RBFOX3: variants seen among roughly 807,000 people sequenced by gnomAD.
RBFOX3 encodes RNA binding fox-1 homolog 3.
Under a neutral mutation model 48.7 loss-of-function variants are expected in RBFOX3, and 17 were observed. That is an observed-to-expected ratio of 0.35 (90% confidence interval 0.24 to 0.52). The LOEUF is 0.52. Ranked by LOEUF, RBFOX3 falls within the 20% of genes least tolerant of loss-of-function variation. RBFOX3 has a pLI of 0.94. For missense variants in RBFOX3, 382 were observed against 497.5 expected (o/e 0.77, Z 2.21); for synonymous variants, 212 against 209.5 (o/e 1.01, Z -0.10).
intron 4 of RBFOX3, among the ~76,000 whole-genome samples, chr17:79,224,119 G>A (rs1159210247): frequency 6.6e-6 from 1 of 152,110 alleles, no homozygotes; most frequent in African/African-American, 2.4e-5. Flanking sequence ...TGGTCACTGA[G>A]GCATTAACTG....
At chr17:79,374,678 T>C (rs1397463641) in intron 2 of RBFOX3, among the ~76,000 whole-genome samples, 2 of 152,232 alleles carry the variant, frequency 1.3e-5, no homozygotes, top group African/African-American at 4.8e-5. Flanking sequence ...GGCTTTCTCC[T>C]TGTTTTCACA....
chr17:79,221,277 G>A (rs555080940), intron 4 of RBFOX3, among the ~76,000 whole-genome samples: 6 of 152,352 alleles, frequency 3.9e-5, no homozygotes, highest in African/African-American at 9.6e-5. Flanking sequence ...GAGCCCACCC[G>A]GGCGGTTGCC....
intron 2 of RBFOX3, among the ~76,000 whole-genome samples, chr17:79,427,306 G>A (rs1021657654): frequency 6.6e-6 from 1 of 152,216 alleles, no homozygotes; most frequent in African/African-American, 2.4e-5. Flanking sequence ...GAATGGAGGG[G>A]CTGAGGCTCT....
intron 4 of RBFOX3, among the ~76,000 whole-genome samples, chr17:79,118,626 T>C (rs995266356): frequency 6.6e-6 from 1 of 152,000 alleles, no homozygotes; most frequent in Non-Finnish European, 1.5e-5. Flanking sequence ...CTTCACCGCC[T>C]TGCACTGTCT....
At chr17:79,434,109 C>T (rs916845868) in intron 2 of RBFOX3, among the ~76,000 whole-genome samples, 4 of 152,242 alleles carry the variant, frequency 2.6e-5, no homozygotes, top group African/African-American at 9.6e-5. Flanking sequence ...AGCACAAAAA[C>T]GTGAAGAACA....
At chr17:79,436,658 G>A (rs570633168) in intron 2 of RBFOX3, among the ~76,000 whole-genome samples, 251 of 152,288 alleles carry the variant, frequency 1.6e-3, no homozygotes, top group Middle Eastern at 0.01. Flanking sequence ...GGGAGCTCCT[G>A]CCTAAGCCCT....
intron 2 of RBFOX3, among the ~76,000 whole-genome samples, chr17:79,420,903 C>A (rs1481795115): frequency 1.3e-5 from 2 of 152,194 alleles, no homozygotes; most frequent in Admixed American, 6.5e-5. Context: ...GATCAGCTGA[C>A]CTCTAGAAAG....
chr17:79,149,517 G>A (rs916701107), intron 4 of RBFOX3, among the ~76,000 whole-genome samples: 2 of 152,294 alleles, frequency 1.3e-5, no homozygotes, highest in Admixed American at 6.5e-5. Context: ...GTGGGCTGTG[G>A]GGAGGAGCTT....
intron 1 of RBFOX3, among the ~76,000 whole-genome samples, chr17:79,594,961 G>T (rs1008455687): frequency 2.0e-5 from 3 of 152,128 alleles, no homozygotes; most frequent in Non-Finnish European, 4.4e-5. Context: ...GGGCCAGAAG[G>T]TTTGCATTTA....
In RBFOX3 at chr17:79,392,005, C is replaced by T. The variant is rs1300231546; in HGVS notation, c.-174-84181G>A. 6.6e-6 allele frequency among the ~76,000 whole-genome samples: 1 copy of T among 152,192 alleles called. No homozygotes were observed. Among genetic ancestry groups the T allele is most frequent in the Non-Finnish European group, 1.5e-5 (1 of 68,052 alleles). On this transcript the variant is annotated intron_variant, in intron 2 of 14. Coordinates refer to ENST00000693108, the MANE Select transcript of RBFOX3 (RefSeq NM_001350451.2). The surrounding 1 kb of genome is among the most constrained non-coding windows in gnomAD (Gnocchi z 5.0). ...TGGCAACGCTCCCGCCAGGGCCCCGCGATGGTCAGGCTTTCTGCCGTCTTG... is the reference window on the plus strand; with the variant it reads ...TGGCAACGCTCCCGCCAGGGCCCCGTGATGGTCAGGCTTTCTGCCGTCTTG...
intron 1 of RBFOX3, among the ~76,000 whole-genome samples, chr17:79,484,658 G>T (rs2079294163): frequency 6.6e-6 from 1 of 152,100 alleles, no homozygotes; most frequent in Admixed American, 6.5e-5. Flanking sequence ...GGTAGGAAGG[G>T]GCTCCAGGAA....
At chr17:79,273,334 T>C (rs963886318) in intron 3 of RBFOX3, among the ~76,000 whole-genome samples, 2 of 152,214 alleles carry the variant, frequency 1.3e-5, no homozygotes, top group African/African-American at 4.8e-5. Flanking sequence ...AAAGTCTGTA[T>C]TCAGAGCAAT....
rs370532842 is a variant in RBFOX3, at chr17:79,154,522, G to A, written c.-33-38774C>T. On this transcript the variant is annotated intron_variant, in intron 4 of 14. Transcript: ENST00000693108. ...AGGGTGGATGGAGGGAGGAAGTCGG[G>A]CGCCTGTGCTGAAGGGCTCAGAACC... Among the ~76,000 whole-genome samples, 11 of 152,362 alleles carry A rather than the reference G, an allele frequency of 7.2e-5. No homozygotes were observed. The South Asian group carries it at 2.3e-3, about 32-fold the overall frequency.
At chr17:79,664,109 A>G in the RBFOX3 span, among the ~76,000 whole-genome samples, 1 of 152,044 alleles carries the variant, frequency 6.6e-6, no homozygotes, top group Non-Finnish European at 1.5e-5. Context: ...TGGGAAAGAC[A>G]CAGAACAGTT....
At chr17:79,293,631 T>C (rs936116734) in intron 3 of RBFOX3, among the ~76,000 whole-genome samples, 1 of 152,084 alleles carries the variant, frequency 6.6e-6, no homozygotes, top group Non-Finnish European at 1.5e-5. Context: ...TTTTGTATTT[T>C]TAGTAGAGAC....
chr17:79,586,029 C>G (rs1287127983), intron 1 of RBFOX3, among the ~76,000 whole-genome samples: 2 of 152,342 alleles, frequency 1.3e-5, no homozygotes, highest in African/African-American at 2.4e-5. Flanking sequence ...GAGGCTTGCC[C>G]CTGGTGTGGA....
chr17:79,255,710 A>G (rs1165204298), intron 3 of RBFOX3, among the ~76,000 whole-genome samples: 1 of 152,004 alleles, frequency 6.6e-6, no homozygotes, highest in Non-Finnish European at 1.5e-5. Flanking sequence ...CTCCCAGTCC[A>G]GCTGATCACC....
At chr17:79,412,094 GT>G (rs1189987652) in intron 2 of RBFOX3, among the ~76,000 whole-genome samples, 34 of 152,266 alleles carry the variant, frequency 2.2e-4, no homozygotes, top group African/African-American at 8.2e-4. Context: ...ATATACGTAT[GT>G]GGGGTGGTGT....
the RBFOX3 span, among the ~76,000 whole-genome samples, chr17:79,641,634 A>T: frequency 2.0e-4 from 31 of 152,296 alleles, no homozygotes; most frequent in African/African-American, 7.5e-4. Context: ...AAAAGAAGAA[A>T]ATCCTGCCAT....
Sources: allele counts gnomAD v4.1 joint callset (sites outside exome capture counted in the v4.1 genomes callset), GRCh38; gene constraint gnomAD v4.1.1; non-coding constraint Gnocchi (gnomAD v3.1); transcripts MANE v1.5; gene names NCBI Gene and HGNC (gene_info 2026-07-23, HGNC 2026-07-21).